The following OXR1 variants were observed in gnomAD, a reference collection of about 807,000 sequenced individuals.
OXR1 encodes the protein oxidation resistance 1.
In OXR1, 41 loss-of-function variants were observed where a neutral mutation model predicts 104.6. The observed-to-expected ratio is 0.39, with a 90% confidence interval of 0.31 to 0.51. OXR1 has a LOEUF of 0.51. Among genes scored for constraint, OXR1 ranks in the 20% least tolerant of loss-of-function variants. OXR1 has a pLI of 0.77. For missense variants in OXR1, 955 were observed against 1,031.9 expected (o/e 0.93, Z 1.02); for synonymous variants, 348 against 348.4 (o/e 1.00, Z 0.01).
chr8:106,450,586 G>C (rs1820257536), intron 2 of OXR1, among the ~76,000 whole-genome samples: 1 of 152,114 alleles, frequency 6.6e-6, no homozygotes, highest in Non-Finnish European at 1.5e-5. Flanking sequence ...CTTGGCTGAT[G>C]CAGCAGCAGT....
intron 10 of OXR1, among the ~76,000 whole-genome samples, chr8:106,713,112 A>T (rs968760727): frequency 6.6e-6 from 1 of 152,010 alleles, no homozygotes; most frequent in African/African-American, 2.4e-5. Flanking sequence ...TGGCAATTTT[A>T]AAAATCATTA....
At chr8:106,704,636 G>A (rs968694276) in intron 8 of OXR1, among the ~76,000 whole-genome samples, 1 of 151,832 alleles carries the variant, frequency 6.6e-6, no homozygotes, top group African/African-American at 2.4e-5. Context: ...GACCTCAAGT[G>A]ATACACTGGC....
rs143485889 is a variant in OXR1 at position 106,405,141 on chromosome 8, CATATATATATATATATATATATATAT to C, written c.23+45541_23+45566del. Among the ~76,000 whole-genome samples the C allele has an allele frequency of 4.5e-3, 360 of 79,788 alleles. 4 individuals carry two copies. Among genetic ancestry groups the C allele is most frequent in the Middle Eastern group, 0.025 (3 of 120 alleles). The allele number at this position is 79,788 out of a possible 152,430, so 52.3% of individuals were successfully genotyped here. ...GATTAGAGAGCCAATTCAGAAACCA[CATATATATATATATATATATATATAT>C]ATATATATATATATATATATATATA... On this transcript the variant is annotated intron_variant, in intron 2 of 16. Transcript: ENST00000517566.
At chr8:106,274,597 G>GCCCCC (rs755051244) in intron 1 of OXR1, among the ~76,000 whole-genome samples, 4 of 84,892 alleles carry the variant, frequency 4.7e-5, no homozygotes, top group African/African-American at 2.6e-4. Context: ...ACCCAGCAAC[G>GCCCCC]CCACCCCCCC....
intron 1 of OXR1, among the ~76,000 whole-genome samples, chr8:106,303,248 CTTTTTTTTTTT>C (rs1164596413): frequency 2.2e-5 from 2 of 92,364 alleles, no homozygotes; most frequent in South Asian, 7.4e-4. Flanking sequence ...TTTTTTCTTT[CTTTTTTTTTTT>C]TTTTTTTTTT....
chr8:106,495,994 T>A (rs575323033), intron 2 of OXR1, among the ~76,000 whole-genome samples: 1 of 152,186 alleles, frequency 6.6e-6, no homozygotes, highest in Non-Finnish European at 1.5e-5. Context: ...TGGTTCATTA[T>A]CTGCATTTAT....
intron 1 of OXR1, among the ~76,000 whole-genome samples, chr8:106,341,340 T>A (rs1815238487): frequency 6.6e-6 from 1 of 151,284 alleles, no homozygotes; most frequent in Admixed American, 6.6e-5. Flanking sequence ...GTACATCTTT[T>A]TAGAAATACT....
At chr8:106,560,377 C>T (rs1383834397) in intron 3 of OXR1, among the ~76,000 whole-genome samples, 2 of 152,110 alleles carry the variant, frequency 1.3e-5, no homozygotes, top group African/African-American at 2.4e-5. Flanking sequence ...ATAAATCCAC[C>T]CTTAAGCCCA....
chr8:106,586,920 A>T (rs1039239512), intron 3 of OXR1, among the ~76,000 whole-genome samples: 1 of 152,216 alleles, frequency 6.6e-6, no homozygotes, highest in Non-Finnish European at 1.5e-5. Flanking sequence ...AATGGATTTT[A>T]AAAAGAGCAT....
intron 3 of OXR1, among the ~76,000 whole-genome samples, chr8:106,601,637 G>T (rs921288760): frequency 6.6e-6 from 1 of 152,090 alleles, no homozygotes; most frequent in Non-Finnish European, 1.5e-5. Flanking sequence ...TGAATTCTGG[G>T]GAGTCACAAA....
chr8:106,563,948 A>G (rs912108570), intron 3 of OXR1, among the ~76,000 whole-genome samples: 6 of 152,216 alleles, frequency 3.9e-5, no homozygotes, highest in African/African-American at 1.4e-4. Flanking sequence ...AATGAGAACA[A>G]AGACACAATG....
chr8:106,568,297 AG>A (rs1188374210), intron 3 of OXR1, among the ~76,000 whole-genome samples: 2 of 152,168 alleles, frequency 1.3e-5, no homozygotes, highest in Non-Finnish European at 2.9e-5. Context: ...TAAATAAACA[AG>A]GAAGTATTTA....
At chr8:106,699,323 A>G (rs898516178) in intron 7 of OXR1, among the ~76,000 whole-genome samples, 1 of 152,132 alleles carries the variant, frequency 6.6e-6, no homozygotes, top group Non-Finnish European at 1.5e-5. Flanking sequence ...TCAAAGCTGG[A>G]AGGGAACCCT....
intron 2 of OXR1, among the ~76,000 whole-genome samples, chr8:106,384,264 TA>T (rs1262201994): frequency 4.6e-5 from 7 of 152,216 alleles, no homozygotes; most frequent in Non-Finnish European, 4.4e-5. Flanking sequence ...TTATCTCATT[TA>T]ATGTTCTGAC....
At chr8:106,647,526 G>A (rs369567968) in intron 3 of OXR1, among the ~76,000 whole-genome samples, 115 of 152,230 alleles carry the variant, frequency 7.6e-4, no homozygotes, top group African/African-American at 2.7e-3. Context: ...CAATTTTAAG[G>A]GTATCAAATT....
intron 9 of OXR1, among the ~76,000 whole-genome samples, chr8:106,709,383 G>A (rs1012736523): frequency 1.3e-5 from 2 of 151,916 alleles, no homozygotes; most frequent in Non-Finnish European, 2.9e-5. Flanking sequence ...TGTTATTAAC[G>A]ATCTGTATTG....
At chr8:106,477,327 T>C (rs1821859524) in intron 2 of OXR1, among the ~76,000 whole-genome samples, 1 of 151,988 alleles carries the variant, frequency 6.6e-6, no homozygotes, top group Non-Finnish European at 1.5e-5. Flanking sequence ...TTTTAAGGCA[T>C]ACTCAATACT....
chr8:106,534,701 A>G (rs1010465721), intron 3 of OXR1, among the ~76,000 whole-genome samples: 1 of 152,230 alleles, frequency 6.6e-6, no homozygotes, highest in African/African-American at 2.4e-5. Context: ...TTAAATGGGA[A>G]TAAAAGCACT....
At position 106,677,755 on chromosome 8, in the gene OXR1, G is replaced by A. The variant is rs28921392; in HGVS notation, c.221-1455G>A. ...AAAAGTAGAATATGTGTATGTATGC[G>A]CACGCGTGTGTGTGTGTGTGTATCT... On this transcript the variant is annotated intron_variant, in intron 3 of 16. Transcript: ENST00000517566. Among the ~76,000 whole-genome samples the A allele has an allele frequency of 1.9e-3, 286 of 152,006 alleles. 1 individual carries two copies. Among genetic ancestry groups the A allele is most frequent in the African/African-American group, 6.0e-3 (250 of 41,478 alleles).
Sources: gnomAD v4.1 joint callset for allele counts (sites outside exome capture counted in the v4.1 genomes callset) on GRCh38, gnomAD v4.1.1 for gene constraint, MANE v1.5 for transcripts, NCBI Gene and HGNC (gene_info 2026-07-23, HGNC 2026-07-21) for gene names.